Variants in TCEAL4 observed in about 807,000 individuals in gnomAD.
TCEAL4 encodes the protein transcription elongation factor A protein-like 4.
A neutral mutation model predicts 1.3 loss-of-function variants in TCEAL4; 1 was observed. That is an observed-to-expected ratio of 0.79 (90% CI 0.28 to 3.76). TCEAL4 has a LOEUF of 3.76. TCEAL4 is among the 30% of genes most tolerant of loss of function. The pLI is 0.18. For synonymous variants in TCEAL4, 54 were observed against 50.7 expected, an observed-to-expected ratio of 1.06 and a Z score of -0.28; for missense variants, 129 against 154.7, an observed-to-expected ratio of 0.83 and a Z score of 0.88.
chrX:103,586,084 A>G (rs1307895742), intron 1 of TCEAL4, 135 bp from the exon 2 acceptor site: 2 of 1,093,833 alleles, frequency 1.8e-6, no homozygotes, highest in African/African-American at 3.8e-5. Flanking sequence ...CCTGGAAAGA[A>G]ATGGCGGCTG....
chrX:103,586,712 T>C lies in TCEAL4; in HGVS notation c.37T>C (p.Ser13Pro). The C allele has an allele frequency of 8.3e-7, 1 of 1,211,191 alleles. No homozygotes were observed. The highest frequency in any genetic ancestry group is 1.1e-6 in the Non-Finnish European group (1 of 895,407). Residue 13 changes from serine (S) to proline (P), a missense_variant, in exon 3 of 3, where the codon TCA becomes CCA. Coordinates refer to ENST00000472484, the MANE Select transcript of TCEAL4 (RefSeq NM_001006935.3). ...KLYSENEGMA[S>P]NQGKMENEEQ... Reference sequence around the variant, plus strand: ...CTACAGTGAAAATGAAGGAATGGCTTCAAACCAAGGAAAGATGGAAAATGA... The same window carrying C: ...CTACAGTGAAAATGAAGGAATGGCTCCAAACCAAGGAAAGATGGAAAATGA...
chrX:103,576,556 G>A, intron 1 of TCEAL4: 1 of 905,673 alleles, frequency 1.1e-6, no homozygotes. Flanking sequence ...CTGAGGTCAG[G>A]AGTTTGAGGC....
upstream of TCEAL4, among the ~76,000 whole-genome samples, chrX:103,584,150 A>G (rs1340283920): frequency 9.3e-6 from 1 of 108,007 alleles, no homozygotes; most frequent in Non-Finnish European, 1.9e-5. Context: ...CTGGTCTTGA[A>G]CTCCTGACCT....
At chrX:103,582,067 G>A (rs760126372), upstream of TCEAL4, among the ~76,000 whole-genome samples, 1 of 112,238 alleles carries the variant, frequency 8.9e-6, no homozygotes, top group African/African-American at 3.2e-5. Flanking sequence ...TAAAATCAAT[G>A]TGCAAATATT....
chrX:103,577,809 G>T (rs1160973414), intron 2 of TCEAL4, among the ~76,000 whole-genome samples: 1 of 111,822 alleles, frequency 8.9e-6, no homozygotes, highest in Non-Finnish European at 1.9e-5. Flanking sequence ...TATTATGACA[G>T]ATTTTTATCA....
Position 103,586,868 on chromosome X carries a change from C to A in TCEAL4, c.193C>A (p.Pro65Thr). Residue 65 changes from proline (P) to threonine (T), a missense_variant, in exon 3 of 3, where the codon CCA becomes ACA. Pro to Thr is a conservative substitution (Grantham distance 38, BLOSUM62 -1). Around this residue, in one of 2 missense-constraint regions of TCEAL4, gnomAD observed 116 missense variants for 120.3 expected, o/e 0.96. Coordinates refer to ENST00000472484, the MANE Select transcript of TCEAL4 (RefSeq NM_001006935.3). ...GGAAATGTTAAAGGATAAAGGAAAGCCAGAGAGTGAGGGAGAGGCAAAAGA... is the reference window on the plus strand; with the variant it reads ...GGAAATGTTAAAGGATAAAGGAAAGACAGAGAGTGAGGGAGAGGCAAAAGA... ...DEEMLKDKGK[P>T]ESEGEAKEGK... is the part of the protein sequence containing the mutation. 8.4e-7 allele frequency: 1 copy of A among 1,196,351 alleles called. No individual in the cohort carries two copies. Among genetic ancestry groups the A allele is most frequent in the Non-Finnish European group, 1.1e-6 (1 of 887,931 alleles).
chrX:103,585,845 T>C, intron 1 of TCEAL4: 1 of 1,053,224 alleles, frequency 9.5e-7, no homozygotes, highest in Non-Finnish European at 1.3e-6. Flanking sequence ...CAAGTATCCA[T>C]GCTCGCTTTC....
exon 1 of TCEAL4, chrX:103,576,431 A>G (rs1484028450): frequency 8.6e-7 from 1 of 1,163,966 alleles, no homozygotes; most frequent in Admixed American, 2.6e-5. Flanking sequence ...TTCAGCTGCT[A>G]GGTTCTTATT....
intron 2 of TCEAL4, chrX:103,577,240 T>C (rs1464376863): frequency 1.7e-6 from 2 of 1,151,772 alleles, no homozygotes; most frequent in South Asian, 1.9e-5. Flanking sequence ...AATATGCATA[T>C]AGATATTCAA....
At position 103,586,818 on chromosome X, in the gene TCEAL4, A is replaced by G. The variant is rs2073555796; in HGVS notation, c.143A>G (p.Glu48Gly). 2 of 1,208,754 alleles carry G rather than the reference A, an allele frequency of 1.7e-6. No homozygotes were observed. Among genetic ancestry groups the G allele is most frequent in the Middle Eastern group, 2.3e-4 (1 of 4,350 alleles). The change falls in exon 3 of 3, where the codon GAA (glutamate) becomes GGA (glycine). Residue 48 changes from glutamate (E) to glycine (G), a missense_variant. Physicochemically the swap from Glu to Gly is moderately conservative, Grantham distance 98. This residue lies in a region of TCEAL4 where 116 missense variants were observed against 120.3 expected (regional missense o/e 0.96). Coordinates refer to ENST00000472484, the MANE Select transcript of TCEAL4 (RefSeq NM_001006935.3). ...AAGTTAGAAAACGAGGGAAAGACAGAAAACAAGGGCAAAACAGGAGATGAG... is the reference window on the plus strand; with the variant it reads ...AAGTTAGAAAACGAGGGAAAGACAGGAAACAAGGGCAAAACAGGAGATGAG... ...DKKLENEGKT[E>G]NKGKTGDEEM...
intron 1 of TCEAL4, among the ~76,000 whole-genome samples, chrX:103,576,750 C>G (rs1225864336): frequency 8.9e-6 from 1 of 111,915 alleles, no homozygotes; most frequent in Non-Finnish European, 1.9e-5. Flanking sequence ...GGTGACAGAG[C>G]GAGACTGTCT....
intron 1 of TCEAL4, 21 bp from the exon 2 acceptor site, chrX:103,586,198 C>T (rs761913980): frequency 1.4e-4 from 168 of 1,164,166 alleles, no homozygotes; most frequent in Non-Finnish European, 1.9e-4. Context: ...GACCCTGCCC[C>T]TGTCTCCTGT....
rs778204849 is a variant in TCEAL4, at chrX:103,587,603, C to A, written c.*280C>A. ...AGAAAACAATTCTGAAAGCTGTGTC[C>A]ACTAAAAGATTAACAGTGGTTATCT... is the stretch of plus-strand genomic sequence containing the variant. On this transcript the variant is annotated 3_prime_UTR_variant, in exon 3 of 3. Transcript: ENST00000472484. 2.7e-5 allele frequency: 7 copies of A among 256,193 alleles called. No homozygotes were observed. The highest frequency in any genetic ancestry group is 1.3e-4 in the Admixed American group (2 of 15,401). The allele number at this position is 256,193 out of a possible 1,213,427, so 21.1% of individuals were successfully genotyped here.
intron 1 of TCEAL4, chrX:103,585,997 A>T (rs1356885288): frequency 9.3e-7 from 1 of 1,078,157 alleles, no homozygotes; most frequent in East Asian, 3.4e-5. Flanking sequence ...GAGGCTGGGG[A>T]GGAGAGTTGC....
chrX:103,586,507 G>A (rs2073549965), intron 2 of TCEAL4, 142 bp from the exon 3 acceptor site: 1 of 861,363 alleles, frequency 1.2e-6, no homozygotes, highest in East Asian at 3.4e-5. Context: ...TGGGCAGAAG[G>A]CCCTCTTGGA....
upstream of TCEAL4, chrX:103,585,498 C>T (rs770924681): frequency 5.4e-6 from 6 of 1,113,877 alleles, no homozygotes; most frequent in East Asian, 1.4e-4. Context: ...TCCTGGGCTG[C>T]GGCATTCACG....
chrX:103,585,352 A>T, upstream of TCEAL4: 1 of 692,152 alleles, frequency 1.4e-6, no homozygotes, highest in Non-Finnish European at 1.9e-6. Flanking sequence ...GATTTTCATT[A>T]AGATTCTTTC....
intron 2 of TCEAL4, among the ~76,000 whole-genome samples, chrX:103,577,553 TTTGA>T (rs979843295): frequency 8.9e-6 from 1 of 111,915 alleles, no homozygotes; most frequent in Non-Finnish European, 1.9e-5. Context: ...TATATGTATG[TTTGA>T]TTTTCTGTAG....
intron 2 of TCEAL4, among the ~76,000 whole-genome samples, chrX:103,579,180 C>T (rs2073496608): frequency 8.9e-6 from 1 of 112,229 alleles, no homozygotes; most frequent in Admixed American, 9.4e-5. Context: ...ATCTATATGT[C>T]CTTATGCCAG....
Sources: gnomAD v4.1 joint callset for allele counts (sites outside exome capture counted in the v4.1 genomes callset) on GRCh38, gnomAD v4.1.1 for gene constraint, gnomAD v4.1.1 regional missense constraint, MANE v1.5 for transcripts, NCBI Gene and HGNC (gene_info 2026-07-23, HGNC 2026-07-21) for gene names.